The following RIMOC1 variants were observed in gnomAD, a reference collection of about 807,000 sequenced individuals.
RIMOC1 encodes the protein RAB7A interacting MON1-CCZ1 complex subunit 1.
chr5:41,911,195 T>C, the RIMOC1 span: 2 of 1,585,948 alleles, frequency 1.3e-6, no homozygotes, highest in Admixed American at 3.8e-5. Flanking sequence ...AAGACATTCC[T>C]TACACATTTT....
At chr5:41,912,941 T>C in the RIMOC1 span, among the ~76,000 whole-genome samples, 1 of 152,316 alleles carries the variant, frequency 6.6e-6, no homozygotes, top group Non-Finnish European at 1.5e-5. Flanking sequence ...AGTGGCTCCA[T>C]CTCATCATGT....
the RIMOC1 span, chr5:41,917,343 A>G: frequency 6.5e-7 from 1 of 1,528,274 alleles, no homozygotes; most frequent in Non-Finnish European, 8.8e-7. Flanking sequence ...AACAAAACCC[A>G]TGAAATGGAA....
At chr5:41,911,097 G>A in the RIMOC1 span, 10 of 1,609,970 alleles carry the variant, frequency 6.2e-6, no homozygotes, top group Admixed American at 3.4e-5. Flanking sequence ...TCTTGGAGAC[G>A]AGGAGCCCTG....
At chr5:41,914,053 C>T in the RIMOC1 span, among the ~76,000 whole-genome samples, 1 of 152,188 alleles carries the variant, frequency 6.6e-6, no homozygotes, top group Non-Finnish European at 1.5e-5. Context: ...GTAGGCACTA[C>T]AGCTCATTTA....
chr5:41,917,889 T>A, the RIMOC1 span: 1 of 805,280 alleles, frequency 1.2e-6, no homozygotes, highest in East Asian at 1.3e-4. Context: ...TCTACTTCCC[T>A]TAGGCATTTT....
chr5:41,919,548 T>C, the RIMOC1 span: 1 of 152,186 alleles, frequency 6.6e-6, no homozygotes, highest in Non-Finnish European at 1.5e-5. Context: ...AGTATAAAGA[T>C]TTAAATTATT....
chr5:41,904,586 G>A, the RIMOC1 span: 1 of 888,452 alleles, frequency 1.1e-6, no homozygotes, highest in South Asian at 1.6e-5. Flanking sequence ...GCCGCAGGTG[G>A]TTACCCGAGG....
chr5:41,912,317 G>A, the RIMOC1 span: 1 of 578,508 alleles, frequency 1.7e-6, no homozygotes, highest in Admixed American at 3.3e-5. Flanking sequence ...GTAATAAAGG[G>A]TTTATATAAA....
chr5:41,910,241 C>A, the RIMOC1 span, among the ~76,000 whole-genome samples: 40 of 152,074 alleles, frequency 2.6e-4, no homozygotes, highest in Admixed American at 1.9e-3. Context: ...CTTATTCTCT[C>A]GAACATTTGC....
chr5:41,917,566 C>A, the RIMOC1 span: 2 of 1,092,366 alleles, frequency 1.8e-6, no homozygotes, highest in Non-Finnish European at 2.2e-6. Context: ...TGAGTAGTAA[C>A]CCAATTTAGC....
chr5:41,918,166 T>G, the RIMOC1 span: 3 of 985,772 alleles, frequency 3.0e-6, no homozygotes, highest in African/African-American at 1.7e-5. Context: ...GGATGATCTT[T>G]CTGATACCTT....
the RIMOC1 span, among the ~76,000 whole-genome samples, chr5:41,913,459 A>G: frequency 6.6e-6 from 1 of 152,298 alleles, no homozygotes; most frequent in East Asian, 1.9e-4. Context: ...GTGTGTGAGG[A>G]GAGAAGAACC....
At chr5:41,920,033 T>G in the RIMOC1 span, 1 of 152,176 alleles carries the variant, frequency 6.6e-6, no homozygotes, top group African/African-American at 2.4e-5. Flanking sequence ...TGCTATGCCC[T>G]CTATACCAGT....
the RIMOC1 span, among the ~76,000 whole-genome samples, chr5:41,906,575 A>C: frequency 6.6e-6 from 1 of 152,198 alleles, no homozygotes; most frequent in Non-Finnish European, 1.5e-5. Context: ...TTATAGTAGA[A>C]TCTTTTTCTA....
chr5:41,912,060 T>C, the RIMOC1 span: 1 of 1,523,062 alleles, frequency 6.6e-7, no homozygotes, highest in East Asian at 2.3e-5. Flanking sequence ...GGCTCTGACT[T>C]TTATTTAGTA....
chr5:41,907,628 CATA>C, the RIMOC1 span: 1 of 635,820 alleles, frequency 1.6e-6, no homozygotes, highest in Non-Finnish European at 2.7e-6. Flanking sequence ...CTCCATATGT[CATA>C]ATATTATTTC....
the RIMOC1 span, among the ~76,000 whole-genome samples, chr5:41,907,028 TCA>T: frequency 3.3e-5 from 5 of 150,860 alleles, no homozygotes; most frequent in East Asian, 3.9e-4. Flanking sequence ...AAAGGTGAAA[TCA>T]CAGAAGCAAC....
the RIMOC1 span, chr5:41,917,352 A>G: frequency 2.6e-6 from 4 of 1,511,468 alleles, no homozygotes; most frequent in African/African-American, 5.6e-5. Context: ...CATGAAATGG[A>G]AAAGAGAGTT....
At chr5:41,915,624 G>T in the RIMOC1 span, among the ~76,000 whole-genome samples, 4 of 152,162 alleles carry the variant, frequency 2.6e-5, no homozygotes, top group African/African-American at 9.7e-5. Context: ...GCGGTGGCAA[G>T]AGAGAAGGAG....
Sources: allele counts gnomAD v4.1 joint callset (sites outside exome capture counted in the v4.1 genomes callset), GRCh38; gene constraint gnomAD v4.1.1; transcripts MANE v1.5; gene names NCBI Gene and HGNC (gene_info 2026-07-23, HGNC 2026-07-21).